NUAK1: variants seen among roughly 807,000 people sequenced by gnomAD.
NUAK1 encodes the protein NUAK family kinase 1, also known as NUAK family SNF1-like kinase 1.
A neutral mutation model predicts 56.9 loss-of-function variants in NUAK1; 26 were observed. The observed-to-expected ratio is 0.46, with a 90% CI of 0.33 to 0.63. The LOEUF (loss-of-function observed/expected upper bound fraction) is 0.63. Among genes scored for constraint, NUAK1 ranks in the 30% least tolerant of loss-of-function variants. The probability of loss-of-function intolerance (pLI) is 0.02; values close to 1 mark genes in which losing one functional copy is unlikely to be tolerated. For missense variants in NUAK1, 727 were observed against 876.1 expected (o/e 0.83, Z 2.15); for synonymous variants, 337 against 336.0 (o/e 1.00, Z -0.03).
chr12:106,124,542 C>A (rs1358034233), intron 1 of NUAK1, among the ~76,000 whole-genome samples: 1 of 152,272 alleles, frequency 6.6e-6, no homozygotes, highest in African/African-American at 2.4e-5. Flanking sequence ...GAGAATTCAG[C>A]AACTGCCACT....
In NUAK1 at chr12:106,136,449, G is replaced by A. The variant is rs115141743; in HGVS notation, c.240+1965C>T. On this transcript the variant is annotated intron_variant, in intron 1 of 6. Transcript: ENST00000261402. ...AAGACATCCCCCAAAAGAGAAAGGC[G>A]GACTCCTGCCTACTGATGCAAATCC... 1.7e-3 allele frequency among the ~76,000 whole-genome samples: 260 copies of A among 152,230 alleles called. 2 individuals are homozygous for A. The highest frequency in any genetic ancestry group is 6.0e-3 in the African/African-American group (249 of 41,536).
At chr12:106,073,918 C>G (rs538986043) in intron 4 of NUAK1, among the ~76,000 whole-genome samples, 1 of 152,132 alleles carries the variant, frequency 6.6e-6, no homozygotes, top group South Asian at 2.1e-4. Context: ...GTACTCCACA[C>G]ACCTTGGAGT....
At chr12:106,131,776 T>G (rs927664716) in intron 1 of NUAK1, among the ~76,000 whole-genome samples, 2 of 152,186 alleles carry the variant, frequency 1.3e-5, no homozygotes, top group Non-Finnish European at 2.9e-5. Context: ...GGTTTTCACA[T>G]GCAGTTAAAA....
At chr12:106,111,039 A>G (rs1245000073) in intron 1 of NUAK1, among the ~76,000 whole-genome samples, 3 of 152,126 alleles carry the variant, frequency 2.0e-5, no homozygotes, top group Non-Finnish European at 2.9e-5. Context: ...GGGGATGCAG[A>G]GTAGAAGAGT....
At chr12:106,135,306 C>T (rs1027850117) in intron 1 of NUAK1, among the ~76,000 whole-genome samples, 2 of 152,226 alleles carry the variant, frequency 1.3e-5, no homozygotes, top group East Asian at 1.9e-4. Context: ...CCTGGTCTCA[C>T]GGACATGCTT....
chr12:106,123,388 T>TA (rs1193189604), intron 1 of NUAK1, among the ~76,000 whole-genome samples: 3 of 152,204 alleles, frequency 2.0e-5, no homozygotes, highest in African/African-American at 7.2e-5. Flanking sequence ...CACATGGGGC[T>TA]ACTGGGCACT....
intron 2 of NUAK1, among the ~76,000 whole-genome samples, chr12:106,094,156 C>G (rs554468289): frequency 4.1e-4 from 62 of 152,238 alleles, no homozygotes; most frequent in African/African-American, 1.5e-3. Context: ...GCAGTGGCCC[C>G]AAGAGAATTC....
At chr12:106,083,065 A>C (rs2032534956) in intron 4 of NUAK1, among the ~76,000 whole-genome samples, 1 of 152,194 alleles carries the variant, frequency 6.6e-6, no homozygotes, top group Non-Finnish European at 1.5e-5. Context: ...GAGGCACTTG[A>C]ACCCTGTGGG....
At chr12:106,115,457 G>A (rs138359451) in intron 1 of NUAK1, among the ~76,000 whole-genome samples, 16 of 152,294 alleles carry the variant, frequency 1.1e-4, no homozygotes, top group African/African-American at 1.7e-4. Context: ...GGGAGCAACC[G>A]TGCAGGCTGC....
chr12:106,089,891 C>CTGCT (rs572617587), intron 2 of NUAK1, among the ~76,000 whole-genome samples: 10 of 152,312 alleles, frequency 6.6e-5, no homozygotes, highest in African/African-American at 2.4e-4. Context: ...ACTTGCCTCC[C>CTGCT]TGCTGACTGC....
At chr12:106,114,927 C>T (rs527365180) in intron 1 of NUAK1, among the ~76,000 whole-genome samples, 1 of 152,314 alleles carries the variant, frequency 6.6e-6, no homozygotes, top group East Asian at 1.9e-4. Context: ...GTGTATTTCA[C>T]CTCCATCTAA....
In NUAK1 at chr12:106,125,248, G is replaced by A. The variant is rs1168468374; in HGVS notation, c.240+13166C>T. On this transcript the variant is annotated intron_variant, in intron 1 of 6. Coordinates refer to ENST00000261402, the MANE Select transcript of NUAK1 (RefSeq NM_014840.3). ...GACAAATATTTCTTGCATTCTGACT[G>A]TGTGCCAGGCACTGAACTAGGCACT... is the stretch of plus-strand genomic sequence containing the variant. 2.6e-5 allele frequency among the ~76,000 whole-genome samples: 4 copies of A among 152,296 alleles called. No individual in the cohort carries two copies. In the South Asian group the frequency reaches 6.2e-4, roughly 24 times the overall value.
At chr12:106,097,592 G>T (rs939260911) in intron 2 of NUAK1, among the ~76,000 whole-genome samples, 1 of 152,224 alleles carries the variant, frequency 6.6e-6, no homozygotes, top group Non-Finnish European at 1.5e-5. Context: ...AGTTGTGTCT[G>T]AGAAGAGAAA....
chr12:106,131,315 A>C (rs1431043804), intron 1 of NUAK1, among the ~76,000 whole-genome samples: 2 of 152,180 alleles, frequency 1.3e-5, no homozygotes, highest in African/African-American at 2.4e-5. Context: ...CACCCCCCAG[A>C]AAACTCCACA....
At chr12:106,122,643 A>G (rs2032989539) in intron 1 of NUAK1, among the ~76,000 whole-genome samples, 1 of 152,196 alleles carries the variant, frequency 6.6e-6, no homozygotes, top group African/African-American at 2.4e-5. Context: ...GGTGTGGTGT[A>G]TCCCCAAATG....
chr12:106,138,715 G>A lies in NUAK1; in HGVS notation c.-62C>T. The A allele has an allele frequency of 7.0e-7, 1 of 1,435,914 alleles. No homozygotes were observed. Among genetic ancestry groups the A allele is most frequent in the Non-Finnish European group, 9.1e-7 (1 of 1,102,576 alleles). 88.9% of individuals were successfully genotyped at this position (1,435,914 alleles called of 1,614,324 possible). A position where few individuals can be genotyped will look rare whatever the true frequency, so the allele number is the denominator to read the frequency against. ...GACCGGGCACAGCGCTGGGATGTCG[G>A]GGTCCCCACCGAGGGAAGCCGCTGT... On this transcript the variant is annotated 5_prime_UTR_variant, in exon 1 of 7. Transcript: ENST00000261402. The surrounding 1 kb of genome is among the most constrained non-coding windows in gnomAD (Gnocchi z 5.0).
Position 106,083,914 on chromosome 12 carries a change from G to T in NUAK1, c.529C>A (p.Arg177=). 1 of 1,614,036 alleles carries T rather than the reference G, an allele frequency of 6.2e-7. No homozygotes were observed. The highest frequency in any genetic ancestry group is 8.5e-7 in the Non-Finnish European group (1 of 1,179,932). ...AGTATATTTTCCAGCTTCAAGTCCC[G>T]GTGGACCACACCGTTCTGAAATGAG... ...HYCHKNGVVH[R]DLKLENILLD... The change falls in exon 4 of 7, where the codon CGG becomes AGG. Residue 177 remains arginine (R), a synonymous_variant. Coordinates refer to ENST00000261402, the MANE Select transcript of NUAK1 (RefSeq NM_014840.3).
At chr12:106,123,990 G>A (rs1376431073) in intron 1 of NUAK1, among the ~76,000 whole-genome samples, 1 of 152,150 alleles carries the variant, frequency 6.6e-6, no homozygotes, top group Non-Finnish European at 1.5e-5. Flanking sequence ...AACTCATTGT[G>A]GGGCTGAATG....
chr12:106,080,615 G>A (rs1313730679), intron 4 of NUAK1, among the ~76,000 whole-genome samples: 1 of 152,212 alleles, frequency 6.6e-6, no homozygotes, highest in Non-Finnish European at 1.5e-5. Context: ...TGCCAGATGT[G>A]TGCTCTGCAA....
Sources: allele counts gnomAD v4.1 joint callset (sites outside exome capture counted in the v4.1 genomes callset), GRCh38; gene constraint gnomAD v4.1.1; non-coding constraint Gnocchi (gnomAD v3.1); transcripts MANE v1.5; gene names NCBI Gene and HGNC (gene_info 2026-07-23, HGNC 2026-07-21).